CAMKMT: variants seen among roughly 807,000 people sequenced by gnomAD.
CAMKMT encodes CaM KMT.
In CAMKMT, 53 loss-of-function variants were observed where a neutral mutation model predicts 48.0. The ratio of observed to expected loss-of-function variants is 1.10; its 90% confidence interval spans 0.89 to 1.39. The LOEUF (loss-of-function observed/expected upper bound fraction) is 1.39, where lower values mean the gene tolerates loss of function less well. CAMKMT is among the 40% of genes most tolerant of loss of function. CAMKMT has a pLI of 0.00. For synonymous variants in CAMKMT, 165 were observed against 152.3 expected, an observed-to-expected ratio of 1.08 and a Z score of -0.61; for missense variants, 428 against 402.7, an observed-to-expected ratio of 1.06 and a Z score of -0.54.
intron 1 of CAMKMT, among the ~76,000 whole-genome samples, chr2:44,363,865 G>A (rs1406714569): frequency 2.0e-5 from 3 of 150,824 alleles, no homozygotes; most frequent in African/African-American, 7.3e-5. Flanking sequence ...TAATTTTTGT[G>A]TTTTTAGTAG....
intron 3 of CAMKMT, among the ~76,000 whole-genome samples, chr2:44,593,076 A>C (rs900890814): frequency 6.6e-6 from 1 of 152,200 alleles, no homozygotes; most frequent in Non-Finnish European, 1.5e-5. Flanking sequence ...CAGATGTGTT[A>C]CTGGGAAACA....
Position 44,707,482 on chromosome 2 carries a change from A to G in CAMKMT, c.556+20A>G. 1.2e-6 allele frequency: 2 copies of G among 1,607,766 alleles called. No individual in the cohort carries two copies. The highest frequency in any genetic ancestry group is 1.1e-5 in the South Asian group (1 of 89,798). ...TCAGAAGTATCCTTATTCAGATAGA[A>G]AACGGGTTTGTTGTGCTCATTCCTT... is the stretch of plus-strand genomic sequence containing the variant. On this transcript the variant is annotated intron_variant, in intron 6 of 10. Coordinates refer to ENST00000378494, the MANE Select transcript of CAMKMT (RefSeq NM_024766.5).
chr2:44,426,096 A>G (rs1027120957), intron 3 of CAMKMT, among the ~76,000 whole-genome samples: 1 of 152,232 alleles, frequency 6.6e-6, no homozygotes, highest in African/African-American at 2.4e-5. Context: ...ATACCATGAG[A>G]ATCATTTTAC....
At chr2:44,528,353 G>C (rs1297090973) in intron 3 of CAMKMT, among the ~76,000 whole-genome samples, 1 of 151,978 alleles carries the variant, frequency 6.6e-6, no homozygotes, top group Non-Finnish European at 1.5e-5. Flanking sequence ...TATACAAATA[G>C]TAGAGAGCAC....
rs4039616 is a variant in CAMKMT at position 44,634,800 on chromosome 2, CA to C, written c.377-69471del. Among the ~76,000 whole-genome samples, 97 of 110,030 alleles carry C rather than the reference CA, an allele frequency of 8.8e-4. 1 individual carries two copies. The highest frequency in any genetic ancestry group is 1.1e-3 in the East Asian group (4 of 3,562). 72.2% of individuals were successfully genotyped at this position (110,030 alleles called of 152,430 possible). ...GGTATTCTCCAGGTTGAGGGCTAGC[CA>C]AAAAAAAAAAAGCATTCTAGTCAGA... On this transcript the variant is annotated intron_variant, in intron 3 of 10. Transcript: ENST00000378494.
intron 3 of CAMKMT, among the ~76,000 whole-genome samples, chr2:44,515,532 T>G (rs1337438314): frequency 6.6e-6 from 1 of 152,204 alleles, no homozygotes; most frequent in Non-Finnish European, 1.5e-5. Flanking sequence ...AGGGAAAATC[T>G]GAAATTGGAG....
intron 3 of CAMKMT, among the ~76,000 whole-genome samples, chr2:44,569,375 G>C (rs1668786658): frequency 6.6e-6 from 1 of 152,086 alleles, no homozygotes; most frequent in Admixed American, 6.6e-5. Context: ...CACTAAATTT[G>C]CATATGTAAT....
At chr2:44,655,511 A>G (rs1481527568) in intron 3 of CAMKMT, among the ~76,000 whole-genome samples, 1 of 152,180 alleles carries the variant, frequency 6.6e-6, no homozygotes, top group Non-Finnish European at 1.5e-5. Flanking sequence ...TATATAAACA[A>G]TAATGTGTTG....
intron 1 of CAMKMT, among the ~76,000 whole-genome samples, chr2:44,371,287 A>G (rs1160858060): frequency 1.3e-5 from 2 of 151,692 alleles, no homozygotes; most frequent in African/African-American, 2.4e-5. Flanking sequence ...TGCCCAGCCT[A>G]TTTTTATTTT....
chr2:44,365,909 C>A (rs1224417759), intron 1 of CAMKMT, among the ~76,000 whole-genome samples: 1 of 152,174 alleles, frequency 6.6e-6, no homozygotes, highest in South Asian at 2.1e-4. Context: ...TATATCAAAG[C>A]AGGATGCTTT....
At chr2:44,665,064 TTTTG>T (rs1005679755) in intron 3 of CAMKMT, among the ~76,000 whole-genome samples, 2 of 152,218 alleles carry the variant, frequency 1.3e-5, no homozygotes, top group African/African-American at 2.4e-5. Flanking sequence ...AAAGAGGTTT[TTTTG>T]TTTGTTTGTT....
At chr2:44,671,879 A>G (rs1675350075) in intron 3 of CAMKMT, among the ~76,000 whole-genome samples, 1 of 152,188 alleles carries the variant, frequency 6.6e-6, no homozygotes. Context: ...CCCACCAAAC[A>G]CACAGAAGCA....
At chr2:44,661,367 G>T (rs1385363480) in intron 3 of CAMKMT, among the ~76,000 whole-genome samples, 1 of 143,508 alleles carries the variant, frequency 7.0e-6, no homozygotes, top group Non-Finnish European at 1.5e-5. Flanking sequence ...CCAGGCTGGA[G>T]TGCAGTGGCA....
chr2:44,553,471 G>T (rs533910620), intron 3 of CAMKMT, among the ~76,000 whole-genome samples: 1 of 150,146 alleles, frequency 6.7e-6, no homozygotes, highest in South Asian at 2.1e-4. Context: ...GGTGATTCTT[G>T]TGTCTAAGAC....
At chr2:44,374,703 A>G (rs1679505289) in intron 2 of CAMKMT, among the ~76,000 whole-genome samples, 5 of 152,170 alleles carry the variant, frequency 3.3e-5, no homozygotes, top group Non-Finnish European at 2.9e-5. Flanking sequence ...TTCCAACAGC[A>G]TTGTTCTTTG....
At chr2:44,551,897 G>A (rs1399067051) in intron 3 of CAMKMT, among the ~76,000 whole-genome samples, 2 of 152,106 alleles carry the variant, frequency 1.3e-5, no homozygotes, top group Non-Finnish European at 2.9e-5. Flanking sequence ...CCTATGGAGA[G>A]CTTTCCTTTG....
At chr2:44,478,389 G>A (rs1228998013) in intron 3 of CAMKMT, among the ~76,000 whole-genome samples, 1 of 152,108 alleles carries the variant, frequency 6.6e-6, no homozygotes. Flanking sequence ...CATGTCTACA[G>A]CAATATGGTG....
At chr2:44,571,735 A>C (rs1668913452) in intron 3 of CAMKMT, among the ~76,000 whole-genome samples, 1 of 152,138 alleles carries the variant, frequency 6.6e-6, no homozygotes, top group African/African-American at 2.4e-5. Flanking sequence ...GGTGCCCTGG[A>C]GACTGAGGCA....
At chr2:44,623,384 C>G (rs1672299820) in intron 3 of CAMKMT, among the ~76,000 whole-genome samples, 1 of 152,140 alleles carries the variant, frequency 6.6e-6, no homozygotes, top group African/African-American at 2.4e-5. Context: ...GAGGACTTAG[C>G]CATAAATTAT....
Sources: allele counts gnomAD v4.1 joint callset (sites outside exome capture counted in the v4.1 genomes callset), GRCh38; gene constraint gnomAD v4.1.1; transcripts MANE v1.5; gene names NCBI Gene and HGNC (gene_info 2026-07-23, HGNC 2026-07-21).